Variants in MAGEA11 observed in about 807,000 individuals in gnomAD.
MAGEA11 encodes melanoma-associated antigen 11.
In MAGEA11, 1 loss-of-function variant was observed where a neutral mutation model predicts 8.4. The ratio of observed to expected loss-of-function variants is 0.12; its 90% CI spans 0.04 to 0.57. The LOEUF (loss-of-function observed/expected upper bound fraction) is 0.57, where lower values mean the gene tolerates loss of function less well. Among genes scored for constraint, MAGEA11 ranks in the 20% least tolerant of loss-of-function variants. The pLI, the probability that MAGEA11 is intolerant of heterozygous loss-of-function variation, is 0.91. For synonymous variants in MAGEA11, 127 were observed against 119.3 expected, an observed-to-expected ratio of 1.06 and a Z score of -0.42; for missense variants, 209 against 317.3, an observed-to-expected ratio of 0.66 and a Z score of 2.59.
At chrX:149,711,438 T>C (rs1187521437), upstream of MAGEA11, among the ~76,000 whole-genome samples, 1 of 111,740 alleles carries the variant, frequency 8.9e-6, no homozygotes, top group Non-Finnish European at 1.9e-5. Flanking sequence ...GGAGCCCCCG[T>C]AGGAAGGTGT....
chrX:149,693,273 A>C lies in MAGEA11; in HGVS notation c.9+4289A>C, dbSNP rs782701463. On this transcript the variant is annotated intron_variant, in intron 1 of 3. Coordinates refer to the MAGEA11 transcript ENST00000333104. ...ATAATATTAATGCATGTAAATTGGA[A>C]TGTATCTTATTCAGCTAGGTTGTAA... Among the ~76,000 whole-genome samples, 37 of 112,300 alleles carry C rather than the reference A, an allele frequency of 3.3e-4. No individual in the cohort carries two copies. The South Asian group carries it at 0.014, about 42-fold the overall frequency.
chrX:149,693,454 C>T (rs1417688213), intron 1 of MAGEA11, among the ~76,000 whole-genome samples: 2 of 111,385 alleles, frequency 1.8e-5, no homozygotes, highest in African/African-American at 6.5e-5. Flanking sequence ...TATCAGAGTT[C>T]CTGCCCCCTC....
chrX:149,695,336 C>A (rs781890441), intron 1 of MAGEA11, among the ~76,000 whole-genome samples: 1 of 110,881 alleles, frequency 9.0e-6, no homozygotes, highest in East Asian at 2.8e-4. Flanking sequence ...TTGCATTTTT[C>A]CCTCCAATTT....
At chrX:149,699,570 C>T (rs1557360827) in intron 1 of MAGEA11, among the ~76,000 whole-genome samples, 1 of 111,711 alleles carries the variant, frequency 9.0e-6, no homozygotes, top group African/African-American at 3.3e-5. Flanking sequence ...TTTATAGTCT[C>T]TGATTGGGTT....
intron 1 of MAGEA11, among the ~76,000 whole-genome samples, chrX:149,699,881 G>A (rs2090344662): frequency 8.9e-6 from 1 of 112,221 alleles, no homozygotes; most frequent in Non-Finnish European, 1.9e-5. Context: ...AGCATGGCTA[G>A]AAGGCCTCAG....
At chrX:149,706,001 G>A (rs781784514) in intron 1 of MAGEA11, among the ~76,000 whole-genome samples, 5 of 112,115 alleles carry the variant, frequency 4.5e-5, no homozygotes, top group South Asian at 3.7e-4. Flanking sequence ...CCTGGAGTGC[G>A]ACAAAGCAGT....
intron 1 of MAGEA11, among the ~76,000 whole-genome samples, chrX:149,706,945 CAA>C (rs1164856513): frequency 2.7e-5 from 3 of 112,735 alleles, no homozygotes; most frequent in South Asian, 3.6e-4. Flanking sequence ...TGCCTCCTGA[CAA>C]GAGAGAGTGT....
chrX:149,713,104 T>G, intron 1 of MAGEA11, 39 bp from the exon 2 acceptor site: 1 of 922,021 alleles, frequency 1.1e-6, no homozygotes, highest in Non-Finnish European at 1.6e-6. Context: ...CCCCCCCCCA[T>G]AGTCCCGCCG....
chrX:149,712,225 C>T (rs185213309), intron 1 of MAGEA11, 63 bp downstream of exon 1: 1 of 646,316 alleles, frequency 1.5e-6, no homozygotes, highest in Non-Finnish European at 1.8e-6. Context: ...AATAATCCAG[C>T]GCCAACCCTG....
At chrX:149,701,639 T>C (rs12856914) in intron 1 of MAGEA11, among the ~76,000 whole-genome samples, 2 of 109,970 alleles carry the variant, frequency 1.8e-5, no homozygotes, top group Non-Finnish European at 3.8e-5. Flanking sequence ...GAAGTCCTTG[T>C]CCATGCCTCT....
intron 4 of MAGEA11, 25 bp from the exon 5 acceptor site, chrX:149,715,728 G>C (rs1183176311): frequency 8.3e-7 from 1 of 1,201,168 alleles, no homozygotes; most frequent in Non-Finnish European, 1.1e-6. Flanking sequence ...ATCTGAGTCT[G>C]TTCTCACGCT....
chrX:149,691,828 G>A (rs2090311804), intron 1 of MAGEA11, among the ~76,000 whole-genome samples: 1 of 112,686 alleles, frequency 8.9e-6, no homozygotes, highest in African/African-American at 3.2e-5. Flanking sequence ...TGCCCTCCAG[G>A]CAGTAAGCTA....
At chrX:149,711,917 T>C (rs1467399983), upstream of MAGEA11, 36 of 513,701 alleles carry the variant, frequency 7.0e-5, no homozygotes, top group African/African-American at 9.4e-4. Context: ...GCCACTACTT[T>C]TCCCCCTGCC....
chrX:149,693,582 AT>A (rs782529318), intron 1 of MAGEA11, among the ~76,000 whole-genome samples: 39 of 112,122 alleles, frequency 3.5e-4, no homozygotes, highest in Non-Finnish European at 6.6e-4. Flanking sequence ...AAAAAAATAC[AT>A]GTACCATAAA....
intron 1 of MAGEA11, chrX:149,689,100 C>A: frequency 1.6e-6 from 1 of 627,382 alleles, no homozygotes; most frequent in Non-Finnish European, 2.4e-6. Flanking sequence ...ATGTTCCCAG[C>A]TCAGAATGCC....
At chrX:149,714,271 G>C in intron 2 of MAGEA11, 2 of 516,483 alleles carry the variant, frequency 3.9e-6, no homozygotes, top group Non-Finnish European at 6.0e-6. Context: ...AGGGAGATGA[G>C]GTCTTGGTGT....
intron 1 of MAGEA11, among the ~76,000 whole-genome samples, chrX:149,704,087 C>T (rs1469169146): frequency 8.9e-6 from 1 of 112,305 alleles, no homozygotes; most frequent in Admixed American, 9.4e-5. Context: ...TAACTATTGC[C>T]CTATCAATAT....
rs368566721 is a variant in MAGEA11 at position 149,713,269 on chromosome X, T to C, written c.96+14T>C. ...TTTGGACTCCAGGTCAGTAGGGACC[T>C]TGGCCCTTGGAGTTCCAAGGCACGG... is the stretch of plus-strand genomic sequence containing the variant. On this transcript the variant is annotated intron_variant, in intron 2 of 4. Transcript: ENST00000355220. 10 of 1,101,164 alleles carry C rather than the reference T, an allele frequency of 9.1e-6. No homozygotes were observed. In the African/African-American group the frequency reaches 1.9e-4, roughly 20 times the overall value. 90.7% of individuals were successfully genotyped at this position (1,101,164 alleles called of 1,213,427 possible). A position where few individuals can be genotyped will look rare whatever the true frequency, so the allele number is the denominator to read the frequency against.
chrX:149,705,193 C>G (rs1557361350), intron 1 of MAGEA11, among the ~76,000 whole-genome samples: 1 of 112,133 alleles, frequency 8.9e-6, no homozygotes, highest in Admixed American at 9.4e-5. Flanking sequence ...GCTCTGTGTC[C>G]CCACACAAAT....
Sources: allele counts gnomAD v4.1 joint callset (sites outside exome capture counted in the v4.1 genomes callset), GRCh38; gene constraint gnomAD v4.1.1; transcripts MANE v1.5; gene names NCBI Gene and HGNC (gene_info 2026-07-23, HGNC 2026-07-21).